The following DNAH3 variants were observed in gnomAD, a reference collection of about 807,000 sequenced individuals.
DNAH3 encodes dynein axonemal heavy chain 3.
A neutral mutation model predicts 432.5 loss-of-function variants in DNAH3; 332 were observed. That is an observed-to-expected ratio of 0.77 (90% CI 0.70 to 0.84). The LOEUF is 0.84. DNAH3 is among the 40% of genes least tolerant of loss of function. The pLI is 0.00. For synonymous variants in DNAH3, 1,956 were observed against 1,900.2 expected (o/e 1.03, Z -0.76); for missense variants, 4,861 against 5,114.0 (o/e 0.95, Z 1.51).
chr16:20,940,433 A>AT (rs970618913), intron 59 of DNAH3, among the ~76,000 whole-genome samples: 22 of 150,786 alleles, frequency 1.5e-4, no homozygotes, highest in Non-Finnish European at 2.2e-4. Context: ...CTATTGTGTA[A>AT]TTTTTTTTTA....
chr16:21,120,702 G>T, intron 11 of DNAH3: 1 of 1,453,972 alleles, frequency 6.9e-7, no homozygotes, highest in Non-Finnish European at 9.7e-7. Flanking sequence ...TGTCTTCTTG[G>T]CATTGTAATT....
Position 21,134,462 on chromosome 16 carries a change from C to T in DNAH3, c.887-8G>A, listed in dbSNP as rs752559316. ...CCATGAGGATGTAATCAACTACAACCGGAAAGGGCGAACACCTCATTATTA... is the reference window on the plus strand; with the variant it reads ...CCATGAGGATGTAATCAACTACAACTGGAAAGGGCGAACACCTCATTATTA... On this transcript the variant is annotated splice_region_variant and splice_polypyrimidine_tract_variant and intron_variant, in intron 6 of 61. Coordinates refer to ENST00000261383, the Ensembl canonical transcript of DNAH3. The T allele has an allele frequency of 5.6e-6, 9 of 1,612,604 alleles. No individual in the cohort carries two copies. Among genetic ancestry groups the T allele is most frequent in the East Asian group, 4.5e-5 (2 of 44,838 alleles).
intron 54 of DNAH3, among the ~76,000 whole-genome samples, chr16:20,958,103 C>T (rs1212310006): frequency 6.7e-6 from 1 of 148,310 alleles, no homozygotes; most frequent in Non-Finnish European, 1.5e-5. Flanking sequence ...GACAGGGTCT[C>T]ACTCTGTCGC....
At chr16:20,955,294 T>C (rs2084512092) in intron 54 of DNAH3, among the ~76,000 whole-genome samples, 1 of 152,202 alleles carries the variant, frequency 6.6e-6, no homozygotes, top group East Asian at 1.9e-4. Context: ...ATATGTCCTT[T>C]TATTTCCCTT....
Position 21,067,757 on chromosome 16 carries a change from TGG to T in DNAH3, c.3382-340_3382-339del, listed in dbSNP as rs35833656. Among the ~76,000 whole-genome samples the T allele has an allele frequency of 7.0e-4, 21 of 29,822 alleles. 1 individual carries two copies. In the East Asian group the frequency reaches 0.014, roughly 21 times the overall value. 19.6% of individuals were successfully genotyped at this position (29,822 alleles called of 152,430 possible). On this transcript the variant is annotated intron_variant, in intron 23 of 61. Coordinates refer to ENST00000261383, the Ensembl canonical transcript of DNAH3. ...ACGGAGTGATAGAGAAAGCCAGTCT[TGG>T]GGGGGGGGGTGGGGAGGGAGAGAGA...
Position 21,069,332 on chromosome 16 carries a change from G to A in DNAH3, c.3381+83C>T, listed in dbSNP as rs1250064673. ...TTCCAAAACTCTAGTTCATTTACAA[G>A]TTTCAAGGAAGGTGACTAGAATGCA... On this transcript the variant is annotated intron_variant, in intron 23 of 61. Coordinates refer to ENST00000261383, the Ensembl canonical transcript of DNAH3. The A allele has an allele frequency of 7.3e-6, 9 of 1,228,610 alleles. No individual in the cohort carries two copies. In the East Asian group the frequency reaches 1.9e-4, roughly 26 times the overall value. 76.1% of individuals were successfully genotyped at this position (1,228,610 alleles called of 1,614,324 possible).
intron 26 of DNAH3, among the ~76,000 whole-genome samples, chr16:21,059,070 G>T (rs2090245857): frequency 6.6e-6 from 1 of 152,114 alleles, no homozygotes; most frequent in South Asian, 2.1e-4. Flanking sequence ...AATATTGTCT[G>T]ATGCTTTTGT....
intron 56 of DNAH3, among the ~76,000 whole-genome samples, chr16:20,950,973 A>G (rs778730244): frequency 2.6e-5 from 4 of 152,016 alleles, no homozygotes; most frequent in African/African-American, 9.7e-5. Context: ...CAGGTGCACA[A>G]CACCATATCC....
intron 21 of DNAH3, 69 bp downstream of exon 21, chr16:21,075,378 G>A (rs1190361587): frequency 2.7e-5 from 29 of 1,081,140 alleles, no homozygotes; most frequent in South Asian, 6.3e-5. Flanking sequence ...TGAATGAATC[G>A]TTTCTGTAAT....
intron 56 of DNAH3, among the ~76,000 whole-genome samples, chr16:20,952,051 A>C (rs1478193679): frequency 2.0e-5 from 3 of 151,584 alleles, no homozygotes; most frequent in Non-Finnish European, 4.4e-5. Context: ...CCAATTTTTT[A>C]ATTTTTAGTA....
exon 54 of DNAH3, chr16:20,959,326 G>GGGCCTT (rs754785450): frequency 1.4e-5 from 22 of 1,614,200 alleles, no homozygotes; most frequent in South Asian, 1.3e-4. Context: ...GGCAGCAATA[G>GGGCCTT]GGCCTTGGCC....
Position 21,127,771 on chromosome 16 carries a change from G to T in DNAH3, c.1124C>A (p.Ala375Glu), listed in dbSNP as rs745679771. The change falls in exon 8 of 62, where the codon GCG becomes GAG. Residue 375 changes from alanine (A) to glutamate (E), a missense_variant. By Grantham distance (107) the Ala-to-Glu change is moderately radical (BLOSUM62 -1). Coordinates refer to ENST00000261383, the Ensembl canonical transcript of DNAH3. ...CTGAGGCTGCAGAGGCAATTTTCCC[G>T]CTAGTATTTCTGCTGTTCGAACAAA... 1.4e-5 allele frequency: 22 copies of T among 1,613,974 alleles called. No homozygotes were observed. In the East Asian group the frequency reaches 3.3e-4, roughly 25 times the overall value.
At chr16:20,967,674 T>C (rs2085126514) in intron 52 of DNAH3, among the ~76,000 whole-genome samples, 1 of 151,576 alleles carries the variant, frequency 6.6e-6, no homozygotes, top group Non-Finnish European at 1.5e-5. Context: ...CTAATTTTTT[T>C]TTTTGGTATT....
At chr16:21,139,336 T>TTTTTTTTTTTG in intron 5 of DNAH3, among the ~76,000 whole-genome samples, 1 of 132,708 alleles carries the variant, frequency 7.5e-6, no homozygotes, top group Non-Finnish European at 1.6e-5. Context: ...TTTTTTTTTT[T>TTTTTTTTTTTG]TTTTTTTTTT....
exon 53 of DNAH3, chr16:20,963,680 C>T (rs765445250): frequency 2.4e-5 from 38 of 1,613,832 alleles, no homozygotes; most frequent in East Asian, 2.0e-4. Context: ...TTATCCAGTG[C>T]GATGCCTCCA....
chr16:20,935,964 G>C (rs1046599715), intron 60 of DNAH3, among the ~76,000 whole-genome samples: 1 of 152,044 alleles, frequency 6.6e-6, no homozygotes, highest in Non-Finnish European at 1.5e-5. Flanking sequence ...CTCATCTCCA[G>C]CAATAGTCGC....
chr16:21,100,337 G>T (rs370727698), intron 16 of DNAH3, among the ~76,000 whole-genome samples: 1 of 152,178 alleles, frequency 6.6e-6, no homozygotes, highest in Non-Finnish European at 1.5e-5. Context: ...CTCCCAAAGT[G>T]CTGGGATTAC....
rs374400485 is a variant in DNAH3, at chr16:21,147,198, G to A, written c.118-1110C>T. 1.5e-4 allele frequency among the ~76,000 whole-genome samples: 23 copies of A among 151,774 alleles called. 1 individual carries two copies. The South Asian group carries it at 4.0e-3, about 26-fold the overall frequency. The stretch of plus-strand genomic sequence containing the variant: ...CTACCCTCAGGTATGATTAAAGGAG[G>A]TGACTTTAAAAACATTGACTCTTGC... On this transcript the variant is annotated intron_variant, in intron 1 of 61. Transcript: ENST00000261383.
intron 1 of DNAH3, among the ~76,000 whole-genome samples, chr16:21,154,464 T>G (rs1567888214): frequency 6.6e-6 from 1 of 151,986 alleles, no homozygotes; most frequent in African/African-American, 2.4e-5. Context: ...GGCCTGTGTG[T>G]GAGTAGGAGG....
Sources: gnomAD v4.1 joint callset for allele counts (sites outside exome capture counted in the v4.1 genomes callset) on GRCh38, gnomAD v4.1.1 for gene constraint, MANE v1.5 for transcripts, NCBI Gene and HGNC (gene_info 2026-07-23, HGNC 2026-07-21) for gene names.